Variants in FRMPD2 observed in about 807,000 individuals in gnomAD.
FRMPD2 encodes the protein FERM and PDZ domain containing 2, also known as FERM and PDZ domain-containing protein 2.
Under a neutral mutation model 140.1 loss-of-function variants are expected in FRMPD2, and 96 were observed. The observed-to-expected ratio is 0.69, with a 90% CI of 0.58 to 0.81. The LOEUF is 0.81. Ranked by LOEUF, FRMPD2 falls within the 40% of genes least tolerant of loss-of-function variation. FRMPD2 has a pLI of 0.00. For missense variants in FRMPD2, 1,240 were observed against 1,447.4 expected, an observed-to-expected ratio of 0.86 and a Z score of 2.32; for synonymous variants, 449 against 547.6, an observed-to-expected ratio of 0.82 and a Z score of 2.52.
At chr10:48,218,623 T>C (rs1185385162) in intron 12 of FRMPD2, among the ~76,000 whole-genome samples, 1 of 152,052 alleles carries the variant, frequency 6.6e-6, no homozygotes, top group Non-Finnish European at 1.5e-5. Flanking sequence ...CATGACTCTA[T>C]CAGCACCAAT....
intron 6 of FRMPD2, 81 bp downstream of exon 6, chr10:48,240,279 G>A: frequency 1.4e-6 from 2 of 1,452,222 alleles, no homozygotes; most frequent in Non-Finnish European, 1.9e-6. Context: ...TCACAATGTG[G>A]ATGTGTAGCC....
In FRMPD2 at chr10:48,251,615, C is replaced by A. The variant is rs148941625; in HGVS notation, c.102G>T (p.Trp34Cys). The A allele has an allele frequency of 7.4e-5, 120 of 1,614,056 alleles. No homozygotes were observed. The highest frequency in any genetic ancestry group is 9.8e-5 in the Non-Finnish European group (116 of 1,180,006). The stretch of plus-strand genomic sequence containing the variant: ...GCTCAGCGGCCAGGAACAGGAGGGA[C>A]CAGATTTCCTCCTCAGACAGAGCTT... The part of the protein sequence containing the change: ...RGEALSEEEI[W>C]SLLFLAAEQL... The change falls in exon 2 of 29, where the codon TGG becomes TGT. Residue 34 changes from tryptophan to cysteine, a missense_variant. Around this residue, in one of 6 missense-constraint regions of FRMPD2, gnomAD observed 1,161 missense variants for 1,055.9 expected, o/e 1.10. Coordinates refer to ENST00000374201, the MANE Select transcript of FRMPD2 (RefSeq NM_001018071.4).
intron 4 of FRMPD2, among the ~76,000 whole-genome samples, chr10:48,242,750 G>A (rs899056340): frequency 1.3e-5 from 2 of 152,196 alleles, no homozygotes; most frequent in Admixed American, 6.5e-5. Context: ...CACTCAGGGG[G>A]TCTCACTTGG....
chr10:48,190,001 A>G (rs1838791419), intron 16 of FRMPD2, among the ~76,000 whole-genome samples: 1 of 152,186 alleles, frequency 6.6e-6, no homozygotes, highest in South Asian at 2.1e-4. Context: ...GAATAACTTC[A>G]TTGAGGTCAC....
intron 9 of FRMPD2, among the ~76,000 whole-genome samples, chr10:48,235,371 G>A (rs1020496732): frequency 6.6e-6 from 1 of 152,224 alleles, no homozygotes; most frequent in Non-Finnish European, 1.5e-5. Flanking sequence ...GCCCCTGTCA[G>A]GCAGGCATCC....
chr10:48,194,674 G>A (rs1838913131), intron 15 of FRMPD2, among the ~76,000 whole-genome samples: 1 of 152,134 alleles, frequency 6.6e-6, no homozygotes, highest in Non-Finnish European at 1.5e-5. Flanking sequence ...CCTGGAGCCT[G>A]AGGAGGAAGC....
chr10:48,269,019 T>C (rs1840722824), intron 1 of FRMPD2, among the ~76,000 whole-genome samples: 1 of 152,030 alleles, frequency 6.6e-6, no homozygotes, highest in Non-Finnish European at 1.5e-5. Context: ...ATATATATAA[T>C]GGCAAAAGGG....
intron 25 of FRMPD2, among the ~76,000 whole-genome samples, chr10:48,172,604 TG>T (rs1838289812): frequency 6.6e-6 from 1 of 151,530 alleles, no homozygotes; most frequent in African/African-American, 2.4e-5. Context: ...TTGGCTGGAC[TG>T]TGAAGCCAAA....
intron 26 of FRMPD2, among the ~76,000 whole-genome samples, chr10:48,170,769 T>C (rs1462243788): frequency 2.0e-5 from 3 of 151,532 alleles, no homozygotes; most frequent in African/African-American, 7.3e-5. Context: ...GCTTCTCTCA[T>C]GAACCCAGTG....
intron 1 of FRMPD2, among the ~76,000 whole-genome samples, chr10:48,264,390 C>T (rs1840646982): frequency 6.6e-6 from 1 of 151,962 alleles, no homozygotes; most frequent in Admixed American, 6.6e-5. Context: ...AAATAATGAA[C>T]AAAAAACCTC....
At chr10:48,239,544 A>G (rs1840051755) in intron 7 of FRMPD2, 61 bp downstream of exon 7, 2 of 1,205,430 alleles carry the variant, frequency 1.7e-6, no homozygotes, top group Middle Eastern at 1.9e-4. Context: ...ATAAGGTACC[A>G]TAGCCCCCAC....
rs776608956 is a variant in FRMPD2, at chr10:48,242,296, C to T, written c.432G>A (p.Gln144=). The T allele has an allele frequency of 6.2e-7, 1 of 1,614,192 alleles. No homozygotes were observed. Among genetic ancestry groups the T allele is most frequent in the Non-Finnish European group, 8.5e-7 (1 of 1,180,022 alleles). The part of the protein sequence containing the change: ...HSILLTMCED[Q]PHRRCTLQSV... ...ACTGCAACGTGCACCGCCTGTGAGG[C>T]TGGTCTTCACACATGGTCAGCAGGA... The change falls in exon 5 of 29, where the codon CAG becomes CAA. Residue 144 remains glutamine, a synonymous_variant. Transcript: ENST00000374201.
chr10:48,179,610 T>C (rs1838492262), intron 21 of FRMPD2, among the ~76,000 whole-genome samples: 2 of 151,714 alleles, frequency 1.3e-5, no homozygotes, highest in South Asian at 4.1e-4. Flanking sequence ...TTATAGTAAA[T>C]ACACGTGGAT....
chr10:48,191,333 C>A (rs1373089418), intron 16 of FRMPD2, among the ~76,000 whole-genome samples: 1 of 152,142 alleles, frequency 6.6e-6, no homozygotes, highest in African/African-American at 2.4e-5. Flanking sequence ...CAGACAATAC[C>A]ACATGAAACC....
intron 15 of FRMPD2, 39 bp downstream of exon 15, chr10:48,201,189 C>G: frequency 6.8e-7 from 1 of 1,471,130 alleles, no homozygotes; most frequent in East Asian, 2.4e-5. Flanking sequence ...AAATAACAAA[C>G]TTGTCAAAGT....
chr10:48,192,089 T>C lies in FRMPD2; in HGVS notation c.2165+595A>G, dbSNP rs78555704. ...AAATAGGCTTATTGCAACTTGTTTATTTGTCCTCTCCAATTTCATATTGTC... is the reference window on the plus strand; with the variant it reads ...AAATAGGCTTATTGCAACTTGTTTACTTGTCCTCTCCAATTTCATATTGTC... On this transcript the variant is annotated intron_variant, in intron 16 of 28. Coordinates refer to ENST00000374201, the MANE Select transcript of FRMPD2 (RefSeq NM_001018071.4). Among the ~76,000 whole-genome samples, 1,101 of 152,308 alleles carry C rather than the reference T, an allele frequency of 7.2e-3. 11 individuals are homozygous for C. The highest frequency in any genetic ancestry group is 0.025 in the African/African-American group (1,058 of 41,582).
intron 3 of FRMPD2, among the ~76,000 whole-genome samples, chr10:48,246,185 G>C (rs1213198367): frequency 1.3e-5 from 2 of 152,164 alleles, no homozygotes; most frequent in Non-Finnish European, 2.9e-5. Context: ...AGAACCAATT[G>C]CAGTGACTGC....
intron 27 of FRMPD2, 71 bp downstream of exon 27, chr10:48,168,524 G>T: frequency 1.7e-6 from 1 of 579,082 alleles, no homozygotes; most frequent in Non-Finnish European, 3.1e-6. Flanking sequence ...AACCCTCTTA[G>T]GACCCTAGAG....
chr10:48,175,049 G>A, intron 23 of FRMPD2, 94 bp from the exon 24 acceptor site: 2 of 595,552 alleles, frequency 3.4e-6, no homozygotes, highest in South Asian at 2.0e-5. Context: ...CCTCCATGCA[G>A]CCTGGAGAAG....
Sources: gnomAD v4.1 joint callset for allele counts (sites outside exome capture counted in the v4.1 genomes callset) on GRCh38, gnomAD v4.1.1 for gene constraint, gnomAD v4.1.1 regional missense constraint, MANE v1.5 for transcripts, NCBI Gene and HGNC (gene_info 2026-07-23, HGNC 2026-07-21) for gene names.